CAV3: variants seen among roughly 807,000 people sequenced by gnomAD.
CAV3 encodes the protein caveolin 3, also known as caveolin-3.
In CAV3, 10 loss-of-function variants were observed where a neutral mutation model predicts 13.4. The ratio of observed to expected loss-of-function variants is 0.75; its 90% CI spans 0.46 to 1.27. The LOEUF is 1.27. Ranked by LOEUF, CAV3 falls within the 50% of genes most tolerant of loss-of-function variation. The pLI, the probability that CAV3 is intolerant of heterozygous loss-of-function variation, is 0.00. For missense variants in CAV3, 162 were observed against 194.0 expected (o/e 0.83, Z 0.98); for synonymous variants, 90 against 79.0 (o/e 1.14, Z -0.74).
intron 1 of CAV3, among the ~76,000 whole-genome samples, chr3:8,742,108 A>G (rs1707983191): frequency 6.6e-6 from 1 of 152,158 alleles, no homozygotes; most frequent in African/African-American, 2.4e-5. Flanking sequence ...CTTGTGCTGC[A>G]TGGTACAGCT....
chr3:8,735,942 T>A (rs1218322496), intron 1 of CAV3, among the ~76,000 whole-genome samples: 4 of 152,238 alleles, frequency 2.6e-5, no homozygotes, highest in Admixed American at 1.3e-4. Flanking sequence ...CCACCACAGC[T>A]CTTCTTATAC....
chr3:8,742,360 C>A (rs1226323189), intron 1 of CAV3: 48 of 242,182 alleles, frequency 2.0e-4, no homozygotes, highest in Admixed American at 2.7e-4. Flanking sequence ...CTGCAAACAC[C>A]AAAAAAAAAA....
At position 8,733,836 on chromosome 3, in the gene CAV3, C is replaced by T. The variant is rs1275567168; in HGVS notation, c.-41C>T. On this transcript the variant is annotated 5_prime_UTR_variant, in exon 1 of 2. Transcript: ENST00000343849. ...AAGTATTTTCAGCCCCAGCCGGCCA[C>T]ACAGCTCGGATCTCCTCCTGTGGAT... The T allele has an allele frequency of 2.3e-6, 3 of 1,297,276 alleles. No homozygotes were observed. Among genetic ancestry groups the T allele is most frequent in the East Asian group, 4.6e-5 (2 of 43,338 alleles). 80.4% of individuals were successfully genotyped at this position (1,297,276 alleles called of 1,614,324 possible). A position where few individuals can be genotyped will look rare whatever the true frequency, so the allele number is the denominator to read the frequency against.
Position 8,745,403 on chromosome 3 carries a change from T to A in CAV3, c.115-123T>A, listed in dbSNP as rs1244591476. ...CAATGCAAGAATAGCCTAATACAGG[T>A]AGGGTCCAGCCACCAAGGTTAACCT... On this transcript the variant is annotated intron_variant, in intron 1 of 1. Coordinates refer to ENST00000343849, the MANE Select transcript of CAV3 (RefSeq NM_033337.3). The surrounding 1 kb of genome is among the most constrained non-coding windows in gnomAD (Gnocchi z 4.8). The A allele has an allele frequency of 1.4e-6, 1 of 726,166 alleles. No homozygotes were observed. The highest frequency in any genetic ancestry group is 2.5e-6 in the Non-Finnish European group (1 of 404,288). 45.0% of individuals were successfully genotyped at this position (726,166 alleles called of 1,614,324 possible). A position where few individuals can be genotyped will look rare whatever the true frequency, so the allele number is the denominator to read the frequency against.
At position 8,746,020 on chromosome 3, in the gene CAV3, G is replaced by C; in HGVS notation, c.*153G>C. The C allele has an allele frequency of 1.6e-6, 1 of 628,658 alleles. No homozygotes were observed. The highest frequency in any genetic ancestry group is 2.7e-6 in the Non-Finnish European group (1 of 366,060). 38.9% of individuals were successfully genotyped at this position (628,658 alleles called of 1,614,324 possible). A position where few individuals can be genotyped will look rare whatever the true frequency, so the allele number is the denominator to read the frequency against. On this transcript the variant is annotated 3_prime_UTR_variant, in exon 2 of 2. Transcript: ENST00000343849. ...GCACACGGTGTAGGGAAGCCAGAAA[G>C]AAAAGACGGCCCAGCCACAGAAGCA...
chr3:8,739,459 C>CA (rs35943957), intron 1 of CAV3, among the ~76,000 whole-genome samples: 26,857 of 143,956 alleles, frequency 0.19, 2,879 homozygotes, highest in Middle Eastern at 0.27. Context: ...ACTAAAAATA[C>CA]AAAAAAAAAA....
intron 1 of CAV3, among the ~76,000 whole-genome samples, chr3:8,741,140 T>G (rs1028562265): frequency 2.0e-5 from 3 of 152,222 alleles, no homozygotes; most frequent in Admixed American, 2.0e-4. Context: ...CTTCCTACTT[T>G]GTAGGCCAGT....
chr3:8,746,444 T>C lies in CAV3; in HGVS notation c.*577T>C, dbSNP rs1282936914. On this transcript the variant is annotated 3_prime_UTR_variant, in exon 2 of 2. Coordinates refer to ENST00000343849, the MANE Select transcript of CAV3 (RefSeq NM_033337.3). The stretch of plus-strand genomic sequence containing the variant: ...GAGTCTTTTTCTTCTTCGGATTCTA[T>C]TGTTTGCTGGAACCGTACACGTTCC... The C allele has an allele frequency of 6.5e-6, 1 of 153,220 alleles. No individual in the cohort carries two copies. The highest frequency in any genetic ancestry group is 1.5e-5 in the Non-Finnish European group (1 of 68,808). 9.5% of individuals were successfully genotyped at this position (153,220 alleles called of 1,614,324 possible). A position where few individuals can be genotyped will look rare whatever the true frequency, so the allele number is the denominator to read the frequency against.
At chr3:8,735,838 C>T (rs1268165231) in intron 1 of CAV3, among the ~76,000 whole-genome samples, 1 of 152,216 alleles carries the variant, frequency 6.6e-6, no homozygotes, top group Non-Finnish European at 1.5e-5. Context: ...CAAGGCCCAA[C>T]TCAAATGCAA....
intron 1 of CAV3, among the ~76,000 whole-genome samples, chr3:8,739,421 C>G (rs1276764554): frequency 6.7e-6 from 1 of 150,264 alleles, no homozygotes; most frequent in East Asian, 2.0e-4. Flanking sequence ...AAAACCTGAC[C>G]AGGCCAACAT....
rs1245296999 is a variant in CAV3, at chr3:8,746,028, G to C, written c.*161G>C. Reference sequence around the variant, plus strand: ...TGTAGGGAAGCCAGAAAGAAAAGACGGCCCAGCCACAGAAGCACAATGGCC... The same window carrying C: ...TGTAGGGAAGCCAGAAAGAAAAGACCGCCCAGCCACAGAAGCACAATGGCC... On this transcript the variant is annotated 3_prime_UTR_variant, in exon 2 of 2. Transcript: ENST00000343849. 1.3e-5 allele frequency: 8 copies of C among 616,024 alleles called. No homozygotes were observed. Among genetic ancestry groups the C allele is most frequent in the East Asian group, 2.8e-5 (1 of 36,132 alleles). The allele number at this position is 616,024 out of a possible 1,614,324, so 38.2% of individuals were successfully genotyped here. A position where few individuals can be genotyped will look rare whatever the true frequency, so the allele number is the denominator to read the frequency against.
At position 8,746,465 on chromosome 3, in the gene CAV3, G is replaced by C. The variant is rs190490095; in HGVS notation, c.*598G>C. 269 of 152,690 alleles carry C rather than the reference G, an allele frequency of 1.8e-3. No homozygotes were observed. The highest frequency in any genetic ancestry group is 2.6e-3 in the Non-Finnish European group (178 of 68,384). 9.5% of individuals were successfully genotyped at this position (152,690 alleles called of 1,614,324 possible). A position where few individuals can be genotyped will look rare whatever the true frequency, so the allele number is the denominator to read the frequency against. The stretch of plus-strand genomic sequence containing the variant: ...TCTATTGTTTGCTGGAACCGTACAC[G>C]TTCCTTGGAAGATCATGTTTAAGTG... On this transcript the variant is annotated 3_prime_UTR_variant, in exon 2 of 2. Transcript: ENST00000343849.
At chr3:8,738,635 A>C (rs1349283856) in intron 1 of CAV3, among the ~76,000 whole-genome samples, 4 of 152,250 alleles carry the variant, frequency 2.6e-5, no homozygotes, top group African/African-American at 7.2e-5. Flanking sequence ...TCCATGGTGC[A>C]TCATAAAAAT....
At chr3:8,738,316 C>T (rs1707832783) in intron 1 of CAV3, among the ~76,000 whole-genome samples, 1 of 152,214 alleles carries the variant, frequency 6.6e-6, no homozygotes, top group Non-Finnish European at 1.5e-5. Context: ...GAAAAACAAA[C>T]ACCCATTTGC....
chr3:8,737,470 G>T (rs937521722), intron 1 of CAV3, among the ~76,000 whole-genome samples: 2 of 152,108 alleles, frequency 1.3e-5, no homozygotes, highest in Admixed American at 1.3e-4. Flanking sequence ...TAGAGGGGAG[G>T]CACCCCTTTT....
chr3:8,742,369 AAAAAAG>A, intron 1 of CAV3: 1 of 351,376 alleles, frequency 2.8e-6, no homozygotes, highest in Admixed American at 4.0e-5. Context: ...CCAAAAAAAA[AAAAAAG>A]AAGAAGAAGA....
In CAV3 at chr3:8,745,154, G is replaced by A; in HGVS notation, c.115-372G>A. On this transcript the variant is annotated intron_variant, in intron 1 of 1. Coordinates refer to ENST00000343849, the MANE Select transcript of CAV3 (RefSeq NM_033337.3). The surrounding 1 kb of genome is among the most constrained non-coding windows in gnomAD (Gnocchi z 4.8). ...AGAGTTCTCATAAGATCTGGTTGTT[G>A]TAAAGTGTGGCACTCCACCCCCTGC... 1 of 254,974 alleles carries A rather than the reference G, an allele frequency of 3.9e-6. No individual in the cohort carries two copies. The highest frequency in any genetic ancestry group is 7.8e-6 in the Non-Finnish European group (1 of 128,806). The allele number at this position is 254,974 out of a possible 1,614,324, so 15.8% of individuals were successfully genotyped here.
rs1420578042 is a variant in CAV3, at chr3:8,745,436, A to G, written c.115-90A>G. On this transcript the variant is annotated intron_variant, in intron 1 of 1. Transcript: ENST00000343849. The surrounding 1 kb of genome is among the most constrained non-coding windows in gnomAD (Gnocchi z 4.8). The stretch of plus-strand genomic sequence containing the variant: ...AGCCACCAAGGTTAACCTGACCTCT[A>G]GGGGATTCTGACACATGCACGCACA... The G allele has an allele frequency of 2.5e-5, 24 of 979,056 alleles. No homozygotes were observed. The highest frequency in any genetic ancestry group is 3.7e-5 in the Non-Finnish European group (23 of 615,614). The allele number at this position is 979,056 out of a possible 1,614,324, so 60.6% of individuals were successfully genotyped here.
intron 1 of CAV3, among the ~76,000 whole-genome samples, chr3:8,738,411 G>A (rs890230696): frequency 1.3e-5 from 2 of 152,270 alleles, no homozygotes. Flanking sequence ...TGCTCATCAG[G>A]GACACCCTGT....
Sources: gnomAD v4.1 joint callset for allele counts (sites outside exome capture counted in the v4.1 genomes callset) on GRCh38, gnomAD v4.1.1 for gene constraint, Gnocchi (gnomAD v3.1) non-coding constraint, MANE v1.5 for transcripts, NCBI Gene and HGNC (gene_info 2026-07-23, HGNC 2026-07-21) for gene names.